Variants in RBFOX1 observed in about 807,000 individuals in gnomAD.
The protein encoded by RBFOX1 is RNA binding protein fox-1 homolog 1.
RBFOX1 carries 8 observed loss-of-function variants against 57.7 expected under a neutral mutation model. That is an observed-to-expected ratio of 0.14 (90% CI 0.08 to 0.25). The LOEUF is 0.25. Ranked by LOEUF, RBFOX1 falls within the 10% of genes least tolerant of loss-of-function variation. The pLI is 1.00. For missense variants in RBFOX1, 611 were observed against 548.5 expected, an observed-to-expected ratio of 1.11 and a Z score of -1.14; for synonymous variants, 326 against 222.4, an observed-to-expected ratio of 1.47 and a Z score of -4.15.
At chr16:7,126,084 C>T (rs941040475) in intron 4 of RBFOX1, among the ~76,000 whole-genome samples, 5 of 152,092 alleles carry the variant, frequency 3.3e-5, no homozygotes, top group Admixed American at 2.6e-4. Context: ...CTCCATCTCC[C>T]CCCACCAAAA....
intron 3 of RBFOX1, among the ~76,000 whole-genome samples, chr16:7,036,309 T>G (rs1434558257): frequency 6.6e-6 from 1 of 152,128 alleles, no homozygotes; most frequent in Non-Finnish European, 1.5e-5. Context: ...CCTAAAACTT[T>G]CAGAAGCAGT....
intron 1 of RBFOX1, among the ~76,000 whole-genome samples, chr16:5,251,153 T>A (rs377127787): frequency 6.6e-6 from 1 of 152,236 alleles, no homozygotes; most frequent in Non-Finnish European, 1.5e-5. Flanking sequence ...TAACAGGGAC[T>A]CTGGCTTCCG....
chr16:6,175,943 G>C (rs542386080), intron 1 of RBFOX1, among the ~76,000 whole-genome samples: 1 of 152,196 alleles, frequency 6.6e-6, no homozygotes, highest in Admixed American at 6.5e-5. Context: ...CTGCTGTTTG[G>C]ACTCCACCCC....
At chr16:5,703,451 C>T (rs563558890) in intron 3 of RBFOX1, among the ~76,000 whole-genome samples, 1 of 152,138 alleles carries the variant, frequency 6.6e-6, no homozygotes, top group Non-Finnish European at 1.5e-5. Flanking sequence ...AGAGGGCAAG[C>T]TGGGAGTGGC....
chr16:6,605,166 G>C (rs1231266670), intron 2 of RBFOX1, among the ~76,000 whole-genome samples: 1 of 152,084 alleles, frequency 6.6e-6, no homozygotes, highest in African/African-American at 2.4e-5. Context: ...TTAAGCCCAG[G>C]AGCTCAAGGC....
intron 9 of RBFOX1, among the ~76,000 whole-genome samples, chr16:7,602,679 A>C (rs75413825): frequency 0.029 from 4,477 of 152,220 alleles, 209 homozygotes; most frequent in African/African-American, 0.1. Flanking sequence ...AGCCCGCATG[A>C]GCTCTGTAAG....
intron 1 of RBFOX1, among the ~76,000 whole-genome samples, chr16:6,298,241 G>T (rs2078370859): frequency 6.6e-6 from 1 of 152,168 alleles, no homozygotes; most frequent in Non-Finnish European, 1.5e-5. Flanking sequence ...CTGCGAGGGG[G>T]TCAGGGAACT....
chr16:6,192,521 C>T (rs751646535), intron 1 of RBFOX1, among the ~76,000 whole-genome samples: 1 of 152,048 alleles, frequency 6.6e-6, no homozygotes, highest in Admixed American at 6.6e-5. Context: ...GCTCACACAC[C>T]GTTTTACCTA....
intron 9 of RBFOX1, among the ~76,000 whole-genome samples, chr16:7,604,831 A>G (rs2095220529): frequency 6.6e-6 from 1 of 152,212 alleles, no homozygotes; most frequent in Non-Finnish European, 1.5e-5. Flanking sequence ...CTTATATGCA[A>G]AAGAAAGTAT....
rs184526035 is a variant in RBFOX1 at position 6,547,042 on chromosome 16, C to A, written c.-63-107561C>A. On this transcript the variant is annotated intron_variant, in intron 2 of 15. Transcript: ENST00000550418. ...CAGATTTTTAAAGTGCCTGAGCATGCGTATTATTACTAGCTTTGCCTGCTG... is the reference window on the plus strand; with the variant it reads ...CAGATTTTTAAAGTGCCTGAGCATGAGTATTATTACTAGCTTTGCCTGCTG... 4.6e-5 allele frequency among the ~76,000 whole-genome samples: 7 copies of A among 152,302 alleles called. No individual in the cohort carries two copies. In the East Asian group the frequency reaches 1.2e-3, roughly 25 times the overall value.
intron 3 of RBFOX1, among the ~76,000 whole-genome samples, chr16:6,979,622 G>T (rs1466338924): frequency 2.6e-5 from 4 of 152,156 alleles, no homozygotes; most frequent in African/African-American, 9.7e-5. Flanking sequence ...ACAGTTTGGG[G>T]AGCTCAGAAC....
intron 4 of RBFOX1, among the ~76,000 whole-genome samples, chr16:7,238,988 C>T (rs2093920102): frequency 6.6e-6 from 1 of 152,308 alleles, no homozygotes; most frequent in South Asian, 2.1e-4. Context: ...TTTTTTATGG[C>T]TGCATAGCAC....
intron 3 of RBFOX1, among the ~76,000 whole-genome samples, chr16:6,867,500 C>G (rs59438558): frequency 0.23 from 34,734 of 152,040 alleles, 4,512 homozygotes; most frequent in Admixed American, 0.36. Context: ...AGGCGGATCA[C>G]TTGAGGTCAG....
At chr16:6,125,284 TGGA>T (rs2096581426) in intron 1 of RBFOX1, among the ~76,000 whole-genome samples, 1 of 152,152 alleles carries the variant, frequency 6.6e-6, no homozygotes, top group African/African-American at 2.4e-5. Flanking sequence ...AGTCACTAGA[TGGA>T]GGAGGATAGA....
chr16:6,422,586 C>G (rs142033256), intron 2 of RBFOX1, among the ~76,000 whole-genome samples: 184 of 152,178 alleles, frequency 1.2e-3, no homozygotes, highest in African/African-American at 4.4e-3. Context: ...CCTGGGGATG[C>G]CTCAGGAAGC....
intron 3 of RBFOX1, among the ~76,000 whole-genome samples, chr16:6,961,461 G>C (rs770426813): frequency 1.3e-5 from 2 of 152,184 alleles, no homozygotes; most frequent in African/African-American, 4.8e-5. Context: ...AAGGGGTCCC[G>C]ATCAAGATCC....
intron 3 of RBFOX1, chr16:6,704,304 G>A (rs1603446056): frequency 6.6e-6 from 1 of 152,312 alleles, no homozygotes; most frequent in South Asian, 2.1e-4. Flanking sequence ...TACCTCTTGA[G>A]CTAAAACAGA....
chr16:7,528,000 AT>A (rs2079081910), intron 5 of RBFOX1, among the ~76,000 whole-genome samples: 1 of 152,240 alleles, frequency 6.6e-6, no homozygotes, highest in South Asian at 2.1e-4. Context: ...TCAATCACTC[AT>A]GTTTTAGTAC....
intron 1 of RBFOX1, among the ~76,000 whole-genome samples, chr16:6,178,860 GC>G (rs1424160249): frequency 6.6e-6 from 1 of 152,144 alleles, no homozygotes; most frequent in East Asian, 1.9e-4. Context: ...ATACAGATTG[GC>G]ATTTTCTGTC....
Sources: gnomAD v4.1 joint callset for allele counts (sites outside exome capture counted in the v4.1 genomes callset) on GRCh38, gnomAD v4.1.1 for gene constraint, MANE v1.5 for transcripts, NCBI Gene and HGNC (gene_info 2026-07-23, HGNC 2026-07-21) for gene names.